SLC7A9: variants seen among roughly 807,000 people sequenced by gnomAD.
SLC7A9 encodes the protein solute carrier family 7 member 9, also known as B(0,+)-type amino acid transporter 1.
SLC7A9 carries 38 observed loss-of-function variants against 54.1 expected under a neutral mutation model. The observed-to-expected ratio is 0.70, with a 90% CI of 0.54 to 0.92. The LOEUF (loss-of-function observed/expected upper bound fraction) is 0.92. SLC7A9 is among the 40% of genes least tolerant of loss of function. SLC7A9 has a pLI of 0.00. For missense variants in SLC7A9, 537 were observed against 636.1 expected (o/e 0.84, Z 1.68); for synonymous variants, 264 against 258.9 (o/e 1.02, Z -0.19).
intron 12 of SLC7A9, among the ~76,000 whole-genome samples, chr19:32,831,792 C>A (rs1420019608): frequency 6.6e-6 from 1 of 152,244 alleles, no homozygotes; most frequent in Non-Finnish European, 1.5e-5. Flanking sequence ...GTTCCCCAGG[C>A]CAAGGCCATG....
intron 6 of SLC7A9, 122 bp downstream of exon 6, chr19:32,861,996 G>C: frequency 1.3e-6 from 1 of 768,628 alleles, no homozygotes; most frequent in Admixed American, 1.8e-5. Flanking sequence ...ATGTGAGGGT[G>C]AATGTCAGAG....
rs757083566 is a variant in SLC7A9, at chr19:32,859,912, T to C, written c.802A>G (p.Ile268Val). The change falls in exon 8 of 13, where the codon ATC (isoleucine) becomes GTC (valine). Residue 268 changes from isoleucine to valine, a missense_variant. Coordinates refer to ENST00000023064, the MANE Select transcript of SLC7A9 (RefSeq NM_014270.5). ...GTGAAGTAGGACACGTTCATGAGGA[T>C]GTAGCACGCCGTCACCAGGGGGATC... ...IGIPLVTACYILMNVSYFTVM... is the reference protein window; with the variant it reads ...IGIPLVTACYVLMNVSYFTVM... The C allele has an allele frequency of 6.2e-7, 1 of 1,614,082 alleles. No individual in the cohort carries two copies. The highest frequency in any genetic ancestry group is 2.2e-5 in the East Asian group (1 of 44,846).
chr19:32,840,996 G>T (rs1342727947), intron 11 of SLC7A9, among the ~76,000 whole-genome samples: 1 of 152,154 alleles, frequency 6.6e-6, no homozygotes, highest in African/African-American at 2.4e-5. Context: ...CAGATTACAA[G>T]TCTATGCTAC....
At chr19:32,850,012 G>C (rs1334374216) in intron 9 of SLC7A9, among the ~76,000 whole-genome samples, 1 of 151,374 alleles carries the variant, frequency 6.6e-6, no homozygotes, top group Non-Finnish European at 1.5e-5. Context: ...CAATAAATTA[G>C]GTATTGATGG....
chr19:32,844,857 CAAAAAAAAAAAAAAAAAA>C (rs386388892), intron 9 of SLC7A9, among the ~76,000 whole-genome samples: 66 of 30,314 alleles, frequency 2.2e-3, no homozygotes, highest in African/African-American at 7.1e-3. Context: ...GAATCCATCT[CAAAAAAAAAAAAAAAAAA>C]AAAAAAAAGC....
At chr19:32,855,170 A>G (rs546304075) in intron 9 of SLC7A9, among the ~76,000 whole-genome samples, 59 of 152,236 alleles carry the variant, frequency 3.9e-4, no homozygotes, top group Non-Finnish European at 8.1e-4. Context: ...TCTAGAGAAC[A>G]TTATGCTAAG....
intron 9 of SLC7A9, among the ~76,000 whole-genome samples, chr19:32,848,999 A>G (rs1467612168): frequency 6.6e-6 from 1 of 152,186 alleles, no homozygotes; most frequent in African/African-American, 2.4e-5. Context: ...GAACAAAGAC[A>G]CAACATACCA....
chr19:32,864,838 G>A (rs1007378048), intron 2 of SLC7A9, 62 bp from the exon 3 acceptor site: 47 of 1,608,742 alleles, frequency 2.9e-5, no homozygotes, highest in Non-Finnish European at 3.9e-5. Flanking sequence ...AGAAGGCCAG[G>A]TGCCACCCTC....
chr19:32,863,804 T>C (rs995277726), intron 4 of SLC7A9, among the ~76,000 whole-genome samples: 31 of 152,032 alleles, frequency 2.0e-4, no homozygotes, highest in African/African-American at 7.5e-4. Context: ...TATCAGGGCG[T>C]GGTAAGCAGC....
chr19:32,844,115 A>G (rs1365882026), intron 9 of SLC7A9, among the ~76,000 whole-genome samples, 164 bp from the exon 10 acceptor site: 1 of 151,994 alleles, frequency 6.6e-6, no homozygotes, highest in East Asian at 1.9e-4. Context: ...TCGGGAGACG[A>G]GTGGGTTTTG....
intron 12 of SLC7A9, chr19:32,832,683 G>A: frequency 5.6e-6 from 1 of 179,818 alleles, no homozygotes; most frequent in South Asian, 1.3e-4. Context: ...GAGCCAAGGT[G>A]GAAGGGTCAT....
chr19:32,837,637 A>C (rs1030663622), intron 11 of SLC7A9, among the ~76,000 whole-genome samples: 3 of 152,172 alleles, frequency 2.0e-5, no homozygotes, highest in African/African-American at 7.2e-5. Context: ...CCAAACAGTT[A>C]ACATGGTTGT....
chr19:32,868,510 G>C lies in SLC7A9; in HGVS notation c.25C>G (p.Arg9Gly). Reference sequence around the variant, plus strand: ...TGGATCGACTTCTCATCCTCTCTCCGCTTTCTCAGGCCAGTATCCCCCATG... The same window carrying C: ...TGGATCGACTTCTCATCCTCTCTCCCCTTTCTCAGGCCAGTATCCCCCATG... MGDTGLRKRREDEKSIQSQ... is the reference protein window; with the variant it reads MGDTGLRKGREDEKSIQSQ... Residue 9 changes from arginine (R) to glycine (G), a missense_variant, in exon 2 of 13, where the codon CGG becomes GGG. By Grantham distance (125) the Arg-to-Gly change is moderately radical. Coordinates refer to ENST00000023064, the MANE Select transcript of SLC7A9 (RefSeq NM_014270.5). 6.2e-7 allele frequency: 1 copy of C among 1,613,944 alleles called. No individual in the cohort carries two copies. The highest frequency in any genetic ancestry group is 8.5e-7 in the Non-Finnish European group (1 of 1,179,888).
rs61748991 is a variant in SLC7A9 at position 32,864,322 on chromosome 19, C to T, written c.252G>A (p.Ala84=). 5.5e-4 allele frequency: 880 copies of T among 1,614,010 alleles called. 4 individuals are homozygous for T. The African/African-American group carries it at 0.01, about 19-fold the overall frequency. Residue 84 remains alanine, a synonymous_variant, in exon 4 of 13, where the codon GCG becomes GCA. Coordinates refer to ENST00000023064, the MANE Select transcript of SLC7A9 (RefSeq NM_014270.5). The part of the protein sequence containing the change: ...VLATLGALCF[A]ELGTMITKSG... Reference sequence around the variant, plus strand: ...ACTTGGTGATCATTGTGCCAAGCTCCGCAAAGCACAGGGCACCTGGAACAC... The same window carrying T: ...ACTTGGTGATCATTGTGCCAAGCTCTGCAAAGCACAGGGCACCTGGAACAC...
At chr19:32,838,988 AAGTT>A (rs1271415801) in intron 11 of SLC7A9, among the ~76,000 whole-genome samples, 1 of 152,028 alleles carries the variant, frequency 6.6e-6, no homozygotes, top group Non-Finnish European at 1.5e-5. Context: ...AGCAATAATG[AAGTT>A]AGCTAGGTGT....
chr19:32,864,930 G>A (rs1206843918), intron 2 of SLC7A9, among the ~76,000 whole-genome samples, 154 bp from the exon 3 acceptor site: 1 of 152,204 alleles, frequency 6.6e-6, no homozygotes, highest in African/African-American at 2.4e-5. Flanking sequence ...GCAACACCGG[G>A]GCACCGCTCC....
chr19:32,834,851 C>T (rs529311884), intron 11 of SLC7A9, among the ~76,000 whole-genome samples: 1 of 152,026 alleles, frequency 6.6e-6, no homozygotes, highest in Non-Finnish European at 1.5e-5. Flanking sequence ...AGTGCAGTGG[C>T]GTGATCTTGG....
intron 8 of SLC7A9, among the ~76,000 whole-genome samples, chr19:32,859,080 C>G (rs958962230): frequency 3.3e-5 from 5 of 150,890 alleles, no homozygotes; most frequent in South Asian, 2.1e-4. Context: ...AGCCACCATG[C>G]CTGGCCAAAT....
At chr19:32,838,256 T>C (rs1221883549) in intron 11 of SLC7A9, among the ~76,000 whole-genome samples, 1 of 152,114 alleles carries the variant, frequency 6.6e-6, no homozygotes, top group Non-Finnish European at 1.5e-5. Context: ...TTTGTTTAAA[T>C]GTTAAATTTT....
Sources: gnomAD v4.1 joint callset for allele counts (sites outside exome capture counted in the v4.1 genomes callset) on GRCh38, gnomAD v4.1.1 for gene constraint, MANE v1.5 for transcripts, NCBI Gene and HGNC (gene_info 2026-07-23, HGNC 2026-07-21) for gene names.